PEAK1: variants seen among roughly 807,000 people sequenced by gnomAD.
PEAK1 encodes pseudopodium enriched atypical kinase 1, also known as inactive tyrosine-protein kinase PEAK1.
In PEAK1, 54 loss-of-function variants were observed where a neutral mutation model predicts 124.7. That is an observed-to-expected ratio of 0.43 (90% confidence interval 0.35 to 0.54). The LOEUF is 0.54. Ranked by LOEUF, PEAK1 falls within the 20% of genes least tolerant of loss-of-function variation. PEAK1 has a pLI of 0.01. For synonymous variants in PEAK1, 719 were observed against 760.0 expected (o/e 0.95, Z 0.89); for missense variants, 2,046 against 2,134.5 (o/e 0.96, Z 0.82).
chr15:77,158,987 T>C (rs2055397982), intron 7 of PEAK1, among the ~76,000 whole-genome samples: 3 of 152,284 alleles, frequency 2.0e-5, no homozygotes, highest in African/African-American at 7.2e-5. Flanking sequence ...ATGTTGGTGG[T>C]AGAAGGAGCT....
At chr15:77,324,593 T>C (rs1475902527) in intron 2 of PEAK1, among the ~76,000 whole-genome samples, 1 of 152,208 alleles carries the variant, frequency 6.6e-6, no homozygotes, top group Non-Finnish European at 1.5e-5. Context: ...ATTTGGCTTA[T>C]AGTGCTGTAG....
intron 6 of PEAK1, among the ~76,000 whole-genome samples, chr15:77,184,607 G>A (rs1180740452): frequency 6.6e-6 from 1 of 152,186 alleles, no homozygotes; most frequent in Non-Finnish European, 1.5e-5. Context: ...TCACAGAACC[G>A]GCAGGTAGGC....
chr15:77,307,735 G>A (rs2064184716), intron 2 of PEAK1, among the ~76,000 whole-genome samples: 1 of 152,004 alleles, frequency 6.6e-6, no homozygotes, highest in Admixed American at 6.6e-5. Context: ...GCTTTTGCAT[G>A]TACTTCCCCC....
chr15:77,257,698 G>T (rs570370677), intron 5 of PEAK1, among the ~76,000 whole-genome samples: 3,441 of 151,800 alleles, frequency 0.023, 112 homozygotes, highest in African/African-American at 0.072. Flanking sequence ...TCTGATGGTA[G>T]TTTCTTTTGC....
chr15:77,346,838 A>T, intron 2 of PEAK1: 1 of 689,104 alleles, frequency 1.5e-6, no homozygotes, highest in South Asian at 6.6e-5. Context: ...GAGATACAGC[A>T]GTAAACTAGA....
At chr15:77,352,566 A>AT (rs1013213085) in intron 2 of PEAK1, 7 of 945,940 alleles carry the variant, frequency 7.4e-6, no homozygotes, top group African/African-American at 7.1e-5. Flanking sequence ...GAAATATGTC[A>AT]TTTTTTAATA....
At chr15:77,278,256 G>A (rs2062445382) in intron 5 of PEAK1, among the ~76,000 whole-genome samples, 1 of 152,018 alleles carries the variant, frequency 6.6e-6, no homozygotes, top group South Asian at 2.1e-4. Flanking sequence ...GTCATACAAT[G>A]GAACACTACT....
chr15:77,357,202 C>T (rs922029225), intron 2 of PEAK1, among the ~76,000 whole-genome samples: 7 of 152,306 alleles, frequency 4.6e-5, no homozygotes, highest in East Asian at 1.9e-4. Flanking sequence ...ACGAGGAGTA[C>T]GAAGCTGCAG....
chr15:77,388,317 A>T (rs991107973), intron 1 of PEAK1, among the ~76,000 whole-genome samples: 1 of 152,220 alleles, frequency 6.6e-6, no homozygotes, highest in Non-Finnish European at 1.5e-5. Flanking sequence ...TGGGCTTCAT[A>T]GGTAAAAGGT....
intron 5 of PEAK1, among the ~76,000 whole-genome samples, chr15:77,261,526 T>C (rs1220754446): frequency 6.6e-6 from 1 of 151,756 alleles, no homozygotes; most frequent in Non-Finnish European, 1.5e-5. Context: ...GTATCAGTGA[T>C]GGAAGATCAA....
chr15:77,256,824 C>A (rs1037573384), intron 5 of PEAK1, among the ~76,000 whole-genome samples: 1 of 151,938 alleles, frequency 6.6e-6, no homozygotes, highest in African/African-American at 2.4e-5. Context: ...GTGCTGCACC[C>A]ATTAACTCGT....
At position 77,180,010 on chromosome 15, in the gene PEAK1, A is replaced by G; in HGVS notation, c.1917T>C (p.Ala639=). The G allele has an allele frequency of 6.2e-7, 1 of 1,614,128 alleles. No individual in the cohort carries two copies. Among genetic ancestry groups the G allele is most frequent in the Non-Finnish European group, 8.5e-7 (1 of 1,179,976 alleles). The change falls in exon 7 of 10, where the codon GCT becomes GCC. Residue 639 remains alanine (A), a synonymous_variant. Transcript: ENST00000682557. ...TTGTTCCCAGAAAACTTTTGTAGAT[A>G]GCTAGATTGTCATATGCATTTGGAT... is the stretch of plus-strand genomic sequence containing the variant. ...VINPNAYDNL[A]IYKSFLGTSG...
At chr15:77,318,391 T>C (rs1338081516) in intron 2 of PEAK1, among the ~76,000 whole-genome samples, 1 of 152,100 alleles carries the variant, frequency 6.6e-6, no homozygotes, top group East Asian at 1.9e-4. Context: ...AAAGGATAAA[T>C]GACACAAAAA....
intron 6 of PEAK1, among the ~76,000 whole-genome samples, chr15:77,235,544 A>G (rs1360816822): frequency 6.6e-6 from 1 of 152,196 alleles, no homozygotes; most frequent in African/African-American, 2.4e-5. Context: ...GCAGCAAACT[A>G]TCCAAGAAGA....
In PEAK1 at chr15:77,108,875, TTC is replaced by T. The variant is rs2050826488; in HGVS notation, c.*5279_*5280del. The T allele has an allele frequency of 1.3e-5, 2 of 152,144 alleles. No individual in the cohort carries two copies. Among genetic ancestry groups the T allele is most frequent in the African/African-American group, 4.8e-5 (2 of 41,428 alleles). 9.4% of individuals were successfully genotyped at this position (152,144 alleles called of 1,614,324 possible). On this transcript the variant is annotated 3_prime_UTR_variant, in exon 10 of 10. Transcript: ENST00000682557. The stretch of plus-strand genomic sequence containing the variant: ...AAAAGCTGGAATAAACCCAGAGACT[TTC>T]TGGAGTGGGAAACATGTAATGGGAT...
intron 5 of PEAK1, among the ~76,000 whole-genome samples, chr15:77,279,098 TGTGTGC>T (rs199703120): frequency 4.2e-4 from 46 of 109,886 alleles, no homozygotes; most frequent in African/African-American, 4.9e-4. Flanking sequence ...AAGGTGCTCG[TGTGTGC>T]GTGTGTGTGT....
At chr15:77,302,985 T>A (rs549124027) in intron 2 of PEAK1, among the ~76,000 whole-genome samples, 122 of 152,310 alleles carry the variant, frequency 8.0e-4, no homozygotes, top group Middle Eastern at 6.8e-3. Flanking sequence ...CTCTCTAATT[T>A]TGCCTTTACC....
chr15:77,276,865 A>C (rs760480526), intron 5 of PEAK1, among the ~76,000 whole-genome samples: 2 of 152,158 alleles, frequency 1.3e-5, no homozygotes, highest in Non-Finnish European at 2.9e-5. Context: ...GAAACATATA[A>C]AAATGTTAAG....
chr15:77,406,259 A>T (rs1273837907), intron 1 of PEAK1, among the ~76,000 whole-genome samples: 1 of 152,216 alleles, frequency 6.6e-6, no homozygotes, highest in Non-Finnish European at 1.5e-5. Context: ...AAATAAATGA[A>T]AAACAGCCTA....
Sources: gnomAD v4.1 joint callset for allele counts (sites outside exome capture counted in the v4.1 genomes callset) on GRCh38, gnomAD v4.1.1 for gene constraint, MANE v1.5 for transcripts, NCBI Gene and HGNC (gene_info 2026-07-23, HGNC 2026-07-21) for gene names.